Variants in GPC3 observed in about 807,000 individuals in gnomAD.
GPC3 encodes the protein glypican 3.
Under a neutral mutation model 34.4 loss-of-function variants are expected in GPC3, and 3 were observed. The observed-to-expected ratio is 0.09, with a 90% CI of 0.04 to 0.23. GPC3 has a LOEUF of 0.23. GPC3 is among the 10% of genes least tolerant of loss of function. The probability of loss-of-function intolerance (pLI) is 1.00; values close to 1 mark genes in which losing one functional copy is unlikely to be tolerated. For missense variants in GPC3, 351 were observed against 445.6 expected (o/e 0.79, Z 1.91); for synonymous variants, 177 against 174.0 (o/e 1.02, Z -0.13).
chrX:133,661,375 T>C lies in GPC3; in HGVS notation c.1413+355A>G, dbSNP rs538698029. On this transcript the variant is annotated intron_variant, in intron 6 of 7. Coordinates refer to ENST00000370818, the MANE Select transcript of GPC3 (RefSeq NM_004484.4). ...AAACAGTTGGGATAAAATAGTGGGA[T>C]TGTGAGAAATATTTTTCCCTCTATT... Among the ~76,000 whole-genome samples the C allele has an allele frequency of 9.2e-4, 102 of 111,278 alleles. 1 individual carries two copies. The South Asian group carries it at 0.037, about 40-fold the overall frequency.
At chrX:133,774,640 G>A (rs2071958078) in intron 2 of GPC3, among the ~76,000 whole-genome samples, 1 of 111,369 alleles carries the variant, frequency 9.0e-6, no homozygotes, top group South Asian at 3.8e-4. Context: ...AGATTACTGT[G>A]TGTCAGGCAC....
intron 1 of GPC3, among the ~76,000 whole-genome samples, chrX:133,959,647 C>T (rs1485295145): frequency 8.9e-6 from 1 of 112,445 alleles, no homozygotes; most frequent in African/African-American, 3.2e-5. Context: ...ATCAATAGTA[C>T]TTAGTTATTA....
chrX:133,599,303 A>T (rs1181349315), intron 6 of GPC3, among the ~76,000 whole-genome samples: 1 of 112,007 alleles, frequency 8.9e-6, no homozygotes, highest in Non-Finnish European at 1.9e-5. Flanking sequence ...CTTTTTACAG[A>T]CTCAGCAATG....
At position 133,535,870 on chromosome X, in the gene GPC3, TG is replaced by T; in HGVS notation, c.*253del. 1 of 370,744 alleles carries T rather than the reference TG, an allele frequency of 2.7e-6. No individual in the cohort carries two copies. Among genetic ancestry groups the T allele is most frequent in the East Asian group, 4.1e-5 (1 of 24,222 alleles). The allele number at this position is 370,744 out of a possible 1,213,427, so 30.6% of individuals were successfully genotyped here. A position where few individuals can be genotyped will look rare whatever the true frequency, so the allele number is the denominator to read the frequency against. ...AGCAGCCAAACATAGGAGAATAATT[TG>T]GCACAACTTGATGGTTTTTTTTCTT... On this transcript the variant is annotated 3_prime_UTR_variant, in exon 8 of 8. Transcript: ENST00000370818.
At chrX:133,548,584 T>A (rs1196457123) in intron 7 of GPC3, among the ~76,000 whole-genome samples, 1 of 111,716 alleles carries the variant, frequency 9.0e-6, no homozygotes, top group East Asian at 2.8e-4. Context: ...TCCTTATACA[T>A]GAAAGATGAA....
chrX:133,833,337 TC>T (rs1464384851), intron 2 of GPC3, among the ~76,000 whole-genome samples: 1 of 111,808 alleles, frequency 8.9e-6, no homozygotes, highest in Non-Finnish European at 1.9e-5. Flanking sequence ...ACTGACTATC[TC>T]CAAACCCATG....
chrX:133,953,061 G>T lies in GPC3; in HGVS notation c.326C>A (p.Ala109Glu), dbSNP rs761660909. Residue 109 changes from alanine to glutamate, a missense_variant, in exon 2 of 8, where the codon GCG becomes GAG. Ala to Glu is a moderately radical substitution (Grantham distance 107). Coordinates refer to ENST00000370818, the MANE Select transcript of GPC3 (RefSeq NM_004484.4). ...ELKFLIIQNA[A>E]VFQEAFEIVV... ...TCCCCAGAACTCACCTTGGAAAACCGCAGCATTCTGAATAATTAAGAACTT... is the reference window on the plus strand; with the variant it reads ...TCCCCAGAACTCACCTTGGAAAACCTCAGCATTCTGAATAATTAAGAACTT... 5.8e-6 allele frequency: 7 copies of T among 1,206,722 alleles called. No individual in the cohort carries two copies. In the South Asian group the frequency reaches 1.1e-4, roughly 18 times the overall value.
intron 2 of GPC3, among the ~76,000 whole-genome samples, chrX:133,801,006 G>GT (rs1276408601): frequency 8.9e-6 from 1 of 112,073 alleles, no homozygotes; most frequent in African/African-American, 3.2e-5. Flanking sequence ...GTCTACTCAT[G>GT]TAAGACATCT....
At chrX:133,649,673 G>A (rs1052460537) in intron 6 of GPC3, among the ~76,000 whole-genome samples, 3 of 111,867 alleles carry the variant, frequency 2.7e-5, no homozygotes, top group Non-Finnish European at 5.6e-5. Context: ...AGCTCTGACT[G>A]CCTTCGAGCA....
rs150896397 is a variant in GPC3 at position 133,704,185 on chromosome X, G to A, written c.1033-4157C>T. 1,340 of 995,916 alleles carry A rather than the reference G, an allele frequency of 1.3e-3. 1 individual carries two copies. The highest frequency in any genetic ancestry group is 1.4e-3 in the Non-Finnish European group (1,097 of 758,413). The allele number at this position is 995,916 out of a possible 1,213,427, so 82.1% of individuals were successfully genotyped here. Reference sequence around the variant, plus strand: ...CACAGCAGGACTTCACTGTGACCTGGTCCCATAGCTTCACTCTACCTGTAA... The same window carrying A: ...CACAGCAGGACTTCACTGTGACCTGATCCCATAGCTTCACTCTACCTGTAA... On this transcript the variant is annotated intron_variant, in intron 3 of 7. Transcript: ENST00000370818.
intron 6 of GPC3, among the ~76,000 whole-genome samples, chrX:133,644,154 T>A (rs1029852865): frequency 6.3e-5 from 7 of 110,941 alleles, no homozygotes; most frequent in African/African-American, 2.3e-4. Context: ...TAAACAATGC[T>A]ACTGAAATAT....
At chrX:133,865,403 T>G (rs1348957386) in intron 2 of GPC3, among the ~76,000 whole-genome samples, 2 of 112,151 alleles carry the variant, frequency 1.8e-5, no homozygotes, top group Non-Finnish European at 3.8e-5. Context: ...AATATTGTGA[T>G]TTCATATTGG....
intron 2 of GPC3, among the ~76,000 whole-genome samples, chrX:133,915,505 C>T (rs947130126): frequency 2.7e-5 from 3 of 112,075 alleles, no homozygotes; most frequent in African/African-American, 9.7e-5. Context: ...ATCTTTAGTA[C>T]TTCAACCCAG....
chrX:133,638,881 C>G (rs1371611494), intron 6 of GPC3, among the ~76,000 whole-genome samples: 1 of 108,816 alleles, frequency 9.2e-6, no homozygotes, highest in Non-Finnish European at 1.9e-5. Flanking sequence ...AGAAAGTTTA[C>G]AAATTTATGT....
intron 3 of GPC3, among the ~76,000 whole-genome samples, chrX:133,745,023 G>C (rs1184092567): frequency 9.1e-6 from 1 of 110,296 alleles, no homozygotes; most frequent in Non-Finnish European, 1.9e-5. Context: ...TGGGTGGGGG[G>C]TTGGGGAGGG....
intron 6 of GPC3, among the ~76,000 whole-genome samples, chrX:133,599,201 G>C (rs2069953893): frequency 8.9e-6 from 1 of 112,036 alleles, no homozygotes; most frequent in Non-Finnish European, 1.9e-5. Flanking sequence ...ACATTGACAT[G>C]GTTTACTGTG....
chrX:133,911,768 T>C (rs770624791), intron 2 of GPC3, among the ~76,000 whole-genome samples: 4 of 110,892 alleles, frequency 3.6e-5, no homozygotes, highest in Non-Finnish European at 7.6e-5. Context: ...AATGAAGGAG[T>C]CACAGAGATG....
chrX:133,697,942 G>A (rs1369461591), intron 4 of GPC3, among the ~76,000 whole-genome samples: 1 of 111,891 alleles, frequency 8.9e-6, no homozygotes, highest in African/African-American at 3.3e-5. Context: ...AGAGGAGGGG[G>A]AGCACAGGAA....
intron 7 of GPC3, among the ~76,000 whole-genome samples, chrX:133,544,374 C>T (rs921365584): frequency 3.6e-5 from 4 of 112,161 alleles, no homozygotes; most frequent in South Asian, 3.7e-4. Flanking sequence ...TTCCTTGTTA[C>T]GAGGGAAACA....
Sources: allele counts gnomAD v4.1 joint callset (sites outside exome capture counted in the v4.1 genomes callset), GRCh38; gene constraint gnomAD v4.1.1; transcripts MANE v1.5; gene names NCBI Gene and HGNC (gene_info 2026-07-23, HGNC 2026-07-21).